EXOC6B: variants seen among roughly 807,000 people sequenced by gnomAD.
EXOC6B encodes SEC15 homolog B.
In EXOC6B, 54 loss-of-function variants were observed where a neutral mutation model predicts 113.5. The observed-to-expected ratio is 0.48, with a 90% CI of 0.38 to 0.60. EXOC6B has a LOEUF of 0.60. EXOC6B is among the 20% of genes least tolerant of loss of function. The pLI is 0.00. For missense variants in EXOC6B, 797 were observed against 977.5 expected (o/e 0.82, Z 2.46); for synonymous variants, 357 against 339.0 (o/e 1.05, Z -0.58).
At chr2:72,246,247 C>T (rs1682651088) in intron 20 of EXOC6B, among the ~76,000 whole-genome samples, 1 of 152,074 alleles carries the variant, frequency 6.6e-6, no homozygotes, top group Admixed American at 6.5e-5. Flanking sequence ...AAGGTGTCCC[C>T]AACTCTTACA....
At chr2:72,581,860 C>A (rs1705244211) in intron 6 of EXOC6B, among the ~76,000 whole-genome samples, 1 of 152,184 alleles carries the variant, frequency 6.6e-6, no homozygotes, top group African/African-American at 2.4e-5. Context: ...TCCCATCTTA[C>A]CCATCACTCC....
intron 8 of EXOC6B, among the ~76,000 whole-genome samples, chr2:72,525,224 GCTTCCC>G (rs1701697548): frequency 2.0e-5 from 3 of 152,206 alleles, no homozygotes; most frequent in Admixed American, 2.0e-4. Context: ...TTTGTAATTA[GCTTCCC>G]CTTTCCAAGA....
chr2:72,810,874 C>T (rs1250980719), intron 1 of EXOC6B, among the ~76,000 whole-genome samples: 1 of 151,822 alleles, frequency 6.6e-6, no homozygotes, highest in Non-Finnish European at 1.5e-5. Flanking sequence ...GGTGACATGG[C>T]AAAGCCCTGA....
At chr2:72,376,285 A>T (rs2105048680) in intron 19 of EXOC6B, among the ~76,000 whole-genome samples, 1 of 152,270 alleles carries the variant, frequency 6.6e-6, no homozygotes, top group South Asian at 2.1e-4. Flanking sequence ...TTATCTGAAA[A>T]TGTCTTTATT....
At chr2:72,447,162 C>A (rs1365841950) in intron 18 of EXOC6B, among the ~76,000 whole-genome samples, 2 of 151,898 alleles carry the variant, frequency 1.3e-5, no homozygotes, top group Non-Finnish European at 2.9e-5. Context: ...GTATTCAACT[C>A]CTTTTACCAC....
chr2:72,685,591 G>C (rs1325319005), intron 6 of EXOC6B, among the ~76,000 whole-genome samples: 1 of 152,070 alleles, frequency 6.6e-6, no homozygotes, highest in African/African-American at 2.4e-5. Context: ...CCCCTTTAGG[G>C]GAGTCTGCCA....
chr2:72,722,474 T>C (rs1680072079), intron 5 of EXOC6B, among the ~76,000 whole-genome samples: 1 of 152,204 alleles, frequency 6.6e-6, no homozygotes, highest in South Asian at 2.1e-4. Flanking sequence ...TTTGTTTTGT[T>C]TTGTTTTAAT....
At chr2:72,200,743 G>C (rs1474141967) in intron 20 of EXOC6B, among the ~76,000 whole-genome samples, 10 of 152,176 alleles carry the variant, frequency 6.6e-5, no homozygotes, top group Admixed American at 1.3e-4. Flanking sequence ...TAATCAGCTA[G>C]AGGAGAACAA....
chr2:72,247,200 C>T (rs889512788), intron 20 of EXOC6B, among the ~76,000 whole-genome samples: 1 of 152,120 alleles, frequency 6.6e-6, no homozygotes, highest in Non-Finnish European at 1.5e-5. Flanking sequence ...AACAGAGATG[C>T]TGTTCTGTGG....
chr2:72,393,773 A>G (rs1341615756), intron 18 of EXOC6B, among the ~76,000 whole-genome samples: 1 of 152,170 alleles, frequency 6.6e-6, no homozygotes, highest in Non-Finnish European at 1.5e-5. Context: ...TGTCTTTTGA[A>G]CCCAAATTTA....
intron 18 of EXOC6B, among the ~76,000 whole-genome samples, chr2:72,424,825 C>T (rs11887356): frequency 0.2 from 30,479 of 152,082 alleles, 5,632 homozygotes; most frequent in African/African-American, 0.49. Flanking sequence ...TATTTGATAG[C>T]ATCACATTTT....
intron 20 of EXOC6B, among the ~76,000 whole-genome samples, chr2:72,289,484 A>G (rs2104704356): frequency 6.6e-6 from 1 of 151,862 alleles, no homozygotes; most frequent in South Asian, 2.1e-4. Flanking sequence ...TGATCCAGTC[A>G]CTCGGTTGGT....
chr2:72,245,443 C>A (rs1286608976), intron 20 of EXOC6B, among the ~76,000 whole-genome samples: 2 of 152,120 alleles, frequency 1.3e-5, no homozygotes, highest in Non-Finnish European at 2.9e-5. Context: ...TATGGACAGA[C>A]AAACTGATAC....
At chr2:72,632,509 A>G (rs780948498) in intron 6 of EXOC6B, among the ~76,000 whole-genome samples, 7 of 152,168 alleles carry the variant, frequency 4.6e-5, no homozygotes, top group Middle Eastern at 3.2e-3. Context: ...TGGTATTTTA[A>G]TATTTTTTAA....
intron 8 of EXOC6B, among the ~76,000 whole-genome samples, chr2:72,525,917 C>T (rs1701727722): frequency 6.6e-6 from 1 of 152,066 alleles, no homozygotes. Flanking sequence ...AAAGGAGAGT[C>T]ATTGCTTTTA....
intron 8 of EXOC6B, among the ~76,000 whole-genome samples, chr2:72,551,808 A>C (rs899367023): frequency 2.6e-5 from 4 of 152,180 alleles, no homozygotes; most frequent in African/African-American, 7.2e-5. Flanking sequence ...TAAAATCTTA[A>C]TAGCTTATAA....
intron 8 of EXOC6B, among the ~76,000 whole-genome samples, chr2:72,552,841 A>G (rs978312699): frequency 1.1e-4 from 17 of 151,976 alleles, no homozygotes; most frequent in Non-Finnish European, 1.9e-4. Context: ...TGTTTTCTTA[A>G]AAGATTATCA....
intron 6 of EXOC6B, among the ~76,000 whole-genome samples, chr2:72,581,834 T>G (rs934741686): frequency 4.6e-5 from 7 of 152,198 alleles, no homozygotes; most frequent in Non-Finnish European, 8.8e-5. Context: ...TAGGTGGGCC[T>G]GCTGGGTCTG....
intron 19 of EXOC6B, among the ~76,000 whole-genome samples, chr2:72,366,861 G>GA (rs1048150948): frequency 2.4e-4 from 34 of 144,250 alleles, no homozygotes; most frequent in South Asian, 6.5e-4. Context: ...GATTTTACCA[G>GA]AAAAAAAAAA....
Sources: gnomAD v4.1 joint callset for allele counts (sites outside exome capture counted in the v4.1 genomes callset) on GRCh38, gnomAD v4.1.1 for gene constraint, MANE v1.5 for transcripts, NCBI Gene and HGNC (gene_info 2026-07-23, HGNC 2026-07-21) for gene names.